Variants in MAPK10 observed in about 807,000 individuals in gnomAD.
MAPK10 encodes JNK3 alpha protein kinase.
A neutral mutation model predicts 59.3 loss-of-function variants in MAPK10; 25 were observed. The ratio of observed to expected loss-of-function variants is 0.42; its 90% CI spans 0.31 to 0.59. The LOEUF is 0.59. Among genes scored for constraint, MAPK10 ranks in the 20% least tolerant of loss-of-function variants. The pLI is 0.15. For synonymous variants in MAPK10, 190 were observed against 200.5 expected (o/e 0.95, Z 0.44); for missense variants, 351 against 568.9 (o/e 0.62, Z 3.90).
At chr4:86,536,725 T>C (rs1194319954) in intron 1 of MAPK10, among the ~76,000 whole-genome samples, 1 of 152,254 alleles carries the variant, frequency 6.6e-6, no homozygotes, top group Non-Finnish European at 1.5e-5. Context: ...ATATAAAGAA[T>C]TATTTAGTAA....
At chr4:86,532,655 C>T (rs1564997289) in intron 1 of MAPK10, among the ~76,000 whole-genome samples, 1 of 152,170 alleles carries the variant, frequency 6.6e-6, no homozygotes, top group Non-Finnish European at 1.5e-5. Context: ...CTTTTCCCTC[C>T]TTGGCACCTG....
At chr4:86,036,858 G>A (rs185404611) in intron 11 of MAPK10, among the ~76,000 whole-genome samples, 3 of 152,262 alleles carry the variant, frequency 2.0e-5, no homozygotes, top group African/African-American at 7.2e-5. Flanking sequence ...GAATAAATAT[G>A]TGGACACTCT....
At chr4:86,335,469 C>T (rs189986606) in intron 2 of MAPK10, among the ~76,000 whole-genome samples, 3 of 152,308 alleles carry the variant, frequency 2.0e-5, no homozygotes, top group African/African-American at 7.2e-5. Context: ...ATAGAAATGG[C>T]GGACTAAAAA....
At chr4:86,421,147 G>A (rs1316519227) in intron 1 of MAPK10, among the ~76,000 whole-genome samples, 1 of 152,028 alleles carries the variant, frequency 6.6e-6, no homozygotes, top group Non-Finnish European at 1.5e-5. Flanking sequence ...GTGTGTGTGT[G>A]CATGTGTTTA....
intron 2 of MAPK10, among the ~76,000 whole-genome samples, chr4:86,209,694 A>G (rs900746462): frequency 6.6e-6 from 1 of 152,080 alleles, no homozygotes; most frequent in Non-Finnish European, 1.5e-5. Flanking sequence ...AAATGTCTAT[A>G]CCCTACTCAA....
At chr4:86,356,304 C>T (rs879850653) in intron 1 of MAPK10, among the ~76,000 whole-genome samples, 6 of 152,180 alleles carry the variant, frequency 3.9e-5, no homozygotes, top group Non-Finnish European at 7.4e-5. Context: ...TTTTACATCT[C>T]ATAGTCACCA....
intron 1 of MAPK10, among the ~76,000 whole-genome samples, chr4:86,474,487 T>C (rs1267711593): frequency 1.3e-5 from 2 of 152,224 alleles, no homozygotes; most frequent in Non-Finnish European, 2.9e-5. Context: ...TCCAAAAGCA[T>C]AGAGAGGTCC....
chr4:86,432,650 G>C (rs1001601341), intron 1 of MAPK10, among the ~76,000 whole-genome samples: 1 of 152,162 alleles, frequency 6.6e-6, no homozygotes, highest in African/African-American at 2.4e-5. Context: ...TTTCCATGCA[G>C]GAACTTCATT....
chr4:86,395,851 T>A (rs1742838182), intron 1 of MAPK10, among the ~76,000 whole-genome samples: 1 of 152,152 alleles, frequency 6.6e-6, no homozygotes. Flanking sequence ...ACTAGTCCCA[T>A]CATGGGGGCT....
chr4:86,088,014 A>G (rs188571459), intron 9 of MAPK10, among the ~76,000 whole-genome samples: 1 of 152,306 alleles, frequency 6.6e-6, no homozygotes, highest in African/African-American at 2.4e-5. Flanking sequence ...GTGTTTTATT[A>G]AAGCAGAGGT....
intron 2 of MAPK10, among the ~76,000 whole-genome samples, chr4:86,255,481 T>C (rs959301492): frequency 6.6e-6 from 1 of 152,172 alleles, no homozygotes; most frequent in African/African-American, 2.4e-5. Context: ...TCTGAAGGCA[T>C]ATATGCTGTC....
chr4:86,186,854 T>C (rs1236977330), intron 3 of MAPK10, among the ~76,000 whole-genome samples: 5 of 152,144 alleles, frequency 3.3e-5, no homozygotes, highest in East Asian at 1.9e-4. Flanking sequence ...TCCTTAAAGA[T>C]AGGGTTTGCA....
At chr4:86,100,949 T>C (rs536652723) in intron 8 of MAPK10, 103 bp downstream of exon 8, 41 of 992,692 alleles carry the variant, frequency 4.1e-5, no homozygotes, top group Non-Finnish European at 5.9e-5. Flanking sequence ...GCAGCCCTAC[T>C]TTATAAAAGC....
intron 4 of MAPK10, chr4:86,125,352 A>G (rs931369627): frequency 1.3e-5 from 2 of 152,004 alleles, no homozygotes; most frequent in Non-Finnish European, 2.9e-5. Flanking sequence ...AAAAAAAATT[A>G]GGCAATTCAT....
At chr4:86,582,117 A>G (rs766514481) in intron 1 of MAPK10, among the ~76,000 whole-genome samples, 35 of 151,522 alleles carry the variant, frequency 2.3e-4, no homozygotes, top group Non-Finnish European at 4.6e-4. Context: ...AGTACAAGAA[A>G]TCGTTTATTG....
intron 4 of MAPK10, among the ~76,000 whole-genome samples, chr4:86,142,563 T>C (rs985903874): frequency 2.0e-5 from 3 of 152,192 alleles, no homozygotes; most frequent in Non-Finnish European, 4.4e-5. Flanking sequence ...CACTAGTTAT[T>C]TCATTTGTCA....
chr4:86,170,481 C>T (rs2073770642), intron 3 of MAPK10, among the ~76,000 whole-genome samples: 1 of 152,110 alleles, frequency 6.6e-6, no homozygotes, highest in South Asian at 2.1e-4. Context: ...CGAAGAAGGC[C>T]ATTACATAAT....
At chr4:86,232,531 G>A (rs544868239) in intron 2 of MAPK10, among the ~76,000 whole-genome samples, 17 of 152,098 alleles carry the variant, frequency 1.1e-4, no homozygotes, top group Admixed American at 7.2e-4. Flanking sequence ...TCACCACCAC[G>A]CCCAGCTAAT....
chr4:86,529,101 ATC>A (rs1406971412), intron 1 of MAPK10, among the ~76,000 whole-genome samples: 2 of 152,212 alleles, frequency 1.3e-5, no homozygotes, highest in African/African-American at 4.8e-5. Flanking sequence ...AAGCATGAGC[ATC>A]TCTGCATACA....
Sources: gnomAD v4.1 joint callset for allele counts (sites outside exome capture counted in the v4.1 genomes callset) on GRCh38, gnomAD v4.1.1 for gene constraint, MANE v1.5 for transcripts, NCBI Gene and HGNC (gene_info 2026-07-23, HGNC 2026-07-21) for gene names.